Variants in SETBP1 observed in about 807,000 individuals in gnomAD.
SETBP1 encodes the protein SET binding protein 1, also known as SET-binding protein.
In SETBP1, 9 loss-of-function variants were observed where a neutral mutation model predicts 101.0. The observed-to-expected ratio is 0.09, with a 90% CI of 0.05 to 0.16. The LOEUF is 0.16. Among genes scored for constraint, SETBP1 ranks in the 10% least tolerant of loss-of-function variants. The pLI is 1.00. For synonymous variants in SETBP1, 818 were observed against 788.5 expected, an observed-to-expected ratio of 1.04 and a Z score of -0.63; for missense variants, 1,858 against 2,033.8, an observed-to-expected ratio of 0.91 and a Z score of 1.66.
chr18:44,989,474 C>T (rs1307071654), intron 4 of SETBP1, among the ~76,000 whole-genome samples: 1 of 151,944 alleles, frequency 6.6e-6, no homozygotes, highest in East Asian at 1.9e-4. Flanking sequence ...ATTTTTCATA[C>T]ATTTTATTGA....
At chr18:45,030,932 A>G (rs2073283925) in intron 4 of SETBP1, among the ~76,000 whole-genome samples, 1 of 151,876 alleles carries the variant, frequency 6.6e-6, no homozygotes, top group South Asian at 2.1e-4. Flanking sequence ...CTAGCAGTCT[A>G]TCAATTTTGT....
rs1568190438 is a variant in SETBP1 at position 44,868,700 on chromosome 18, AC to A, written c.487-529del. Among the ~76,000 whole-genome samples the A allele has an allele frequency of 2.4e-3, 79 of 32,834 alleles. 2 individuals are homozygous for A. Among genetic ancestry groups the A allele is most frequent in the African/African-American group, 5.4e-3 (42 of 7,808 alleles). 21.5% of individuals were successfully genotyped at this position (32,834 alleles called of 152,430 possible). ...AGAGAGAGAGAGAGAGAGAGAGAGG[AC>A]GGAAGGAAGGGAGGAAGGAAGGAAG... On this transcript the variant is annotated intron_variant, in intron 2 of 5. Transcript: ENST00000649279.
At chr18:44,856,216 G>A (rs777293004) in intron 2 of SETBP1, among the ~76,000 whole-genome samples, 1 of 152,084 alleles carries the variant, frequency 6.6e-6, no homozygotes, top group Non-Finnish European at 1.5e-5. Context: ...AACTTGTTAA[G>A]GGCTATTGCT....
intron 5 of SETBP1, among the ~76,000 whole-genome samples, chr18:45,044,470 G>C (rs1312276968): frequency 6.6e-6 from 1 of 152,212 alleles, no homozygotes; most frequent in African/African-American, 2.4e-5. Context: ...AGGGTTGGAA[G>C]CTTCTGTGTT....
At position 44,747,055 on chromosome 18, in the gene SETBP1, C is replaced by T. The variant is rs73952922; in HGVS notation, c.486+45223C>T. On this transcript the variant is annotated intron_variant, in intron 2 of 5. Coordinates refer to ENST00000649279, the MANE Select transcript of SETBP1 (RefSeq NM_015559.3). Reference sequence around the variant, plus strand: ...AGTCACATGCCAGCCCCAGCCTTGGCTGCTGTTTAATGCTGTGCTGCAAGC... The same window carrying T: ...AGTCACATGCCAGCCCCAGCCTTGGTTGCTGTTTAATGCTGTGCTGCAAGC... Among the ~76,000 whole-genome samples, 1,249 of 152,326 alleles carry T rather than the reference C, an allele frequency of 8.2e-3. 15 individuals carry two copies. The highest frequency in any genetic ancestry group is 0.028 in the African/African-American group (1,176 of 41,560).
At chr18:44,838,557 T>C (rs1470604451) in intron 2 of SETBP1, among the ~76,000 whole-genome samples, 1 of 152,158 alleles carries the variant, frequency 6.6e-6, no homozygotes, top group Non-Finnish European at 1.5e-5. Context: ...CCTTGGGGTG[T>C]GAAGGTGACA....
chr18:44,761,138 T>G (rs976898959), intron 2 of SETBP1, among the ~76,000 whole-genome samples: 8 of 152,226 alleles, frequency 5.3e-5, no homozygotes, highest in Non-Finnish European at 1.0e-4. Context: ...TTTAAAAAAT[T>G]TATAATTGAC....
At chr18:44,803,168 TG>T (rs1223315416) in intron 2 of SETBP1, among the ~76,000 whole-genome samples, 4 of 152,144 alleles carry the variant, frequency 2.6e-5, no homozygotes, top group African/African-American at 9.7e-5. Context: ...GTAATGACTT[TG>T]GTCTTCTGAA....
At chr18:45,031,134 C>A (rs2073289625) in intron 4 of SETBP1, among the ~76,000 whole-genome samples, 1 of 152,062 alleles carries the variant, frequency 6.6e-6, no homozygotes, top group Admixed American at 6.6e-5. Context: ...TTCCTGCTTT[C>A]TCTTGCCCTG....
intron 4 of SETBP1, among the ~76,000 whole-genome samples, chr18:44,954,329 TAAAAAAAAAAA>T (rs5824565): frequency 1.4e-5 from 1 of 71,608 alleles, no homozygotes; most frequent in African/African-American, 5.4e-5. Flanking sequence ...TTGCAGAAGC[TAAAAAAAAAAA>T]AAAAAAAAAA....
At chr18:44,763,719 G>A (rs2070707347) in intron 2 of SETBP1, among the ~76,000 whole-genome samples, 1 of 152,154 alleles carries the variant, frequency 6.6e-6, no homozygotes, top group South Asian at 2.1e-4. Context: ...ATTAATTACT[G>A]ACTGACCTCA....
intron 3 of SETBP1, among the ~76,000 whole-genome samples, chr18:44,892,726 C>T (rs1259308757): frequency 6.6e-6 from 1 of 152,070 alleles, no homozygotes; most frequent in Non-Finnish European, 1.5e-5. Flanking sequence ...GTAACTGCTA[C>T]ATAATAATTT....
intron 3 of SETBP1, among the ~76,000 whole-genome samples, chr18:44,938,848 G>A (rs1390556591): frequency 6.6e-6 from 1 of 152,128 alleles, no homozygotes; most frequent in Admixed American, 6.5e-5. Flanking sequence ...TGCACAGAGG[G>A]GAGAGTGAGG....
In SETBP1 at chr18:44,994,315, C is replaced by A. The variant is rs974711145; in HGVS notation, c.4000+40975C>A. ...TTACTCTTGTAATCCAGGAAAATTACAATCAGGAAAATCCAAATTAAAGCC... is the reference window on the plus strand; with the variant it reads ...TTACTCTTGTAATCCAGGAAAATTAAAATCAGGAAAATCCAAATTAAAGCC... On this transcript the variant is annotated intron_variant, in intron 4 of 5. Coordinates refer to ENST00000649279, the MANE Select transcript of SETBP1 (RefSeq NM_015559.3). Among the ~76,000 whole-genome samples, 4 of 152,136 alleles carry A rather than the reference C, an allele frequency of 2.6e-5. No individual in the cohort carries two copies. The East Asian group carries it at 7.7e-4, about 29-fold the overall frequency.
chr18:44,817,277 A>AC (rs1262431478), intron 2 of SETBP1, among the ~76,000 whole-genome samples: 6 of 152,174 alleles, frequency 3.9e-5, no homozygotes, highest in Admixed American at 1.3e-4. Flanking sequence ...CCACAGCCCA[A>AC]ACTGGGCGAG....
At chr18:44,861,229 C>CTTTTTTTTTTTTTTTTT (rs775284488) in intron 2 of SETBP1, among the ~76,000 whole-genome samples, 1 of 88,348 alleles carries the variant, frequency 1.1e-5, no homozygotes, top group African/African-American at 4.4e-5. Context: ...TTTTTCTTTT[C>CTTTTTTTTTTTTTTTTT]TTTTTTTTTT....
intron 4 of SETBP1, among the ~76,000 whole-genome samples, chr18:44,966,360 G>T (rs778617407): frequency 6.6e-6 from 1 of 152,078 alleles, no homozygotes; most frequent in Non-Finnish European, 1.5e-5. Context: ...ATCACCACAC[G>T]GCTTCTTCAT....
chr18:45,018,245 A>G (rs1236155053), intron 4 of SETBP1, among the ~76,000 whole-genome samples: 2 of 152,254 alleles, frequency 1.3e-5, no homozygotes, highest in South Asian at 4.1e-4. Flanking sequence ...TGAATCCTCA[A>G]ATCATAAAAA....
intron 3 of SETBP1, among the ~76,000 whole-genome samples, chr18:44,947,879 C>T (rs1278140035): frequency 6.6e-6 from 1 of 152,196 alleles, no homozygotes; most frequent in Non-Finnish European, 1.5e-5. Flanking sequence ...TACACTGATA[C>T]CCTAAGGAGC....
Sources: gnomAD v4.1 joint callset for allele counts (sites outside exome capture counted in the v4.1 genomes callset) on GRCh38, gnomAD v4.1.1 for gene constraint, MANE v1.5 for transcripts, NCBI Gene and HGNC (gene_info 2026-07-23, HGNC 2026-07-21) for gene names.